The following GLIPR1L2 variants were observed in gnomAD, a reference collection of about 807,000 sequenced individuals.
GLIPR1L2 encodes the protein GLIPR1-like protein 2.
Under a neutral mutation model 28.4 loss-of-function variants are expected in GLIPR1L2, and 21 were observed. The ratio of observed to expected loss-of-function variants is 0.74; its 90% CI spans 0.52 to 1.06. The LOEUF (loss-of-function observed/expected upper bound fraction) is 1.06, where lower values mean the gene tolerates loss of function less well. GLIPR1L2 is among the 50% of genes least tolerant of loss of function. The probability of loss-of-function intolerance (pLI) is 0.00; values close to 1 mark genes in which losing one functional copy is unlikely to be tolerated. For missense variants in GLIPR1L2, 476 were observed against 416.9 expected (o/e 1.14, Z -1.23); for synonymous variants, 145 against 139.3 (o/e 1.04, Z -0.29).
At chr12:75,426,315 G>A (rs948294938) in intron 4 of GLIPR1L2, among the ~76,000 whole-genome samples, 14 of 152,194 alleles carry the variant, frequency 9.2e-5, no homozygotes, top group African/African-American at 3.1e-4. Context: ...GTCACTCTAA[G>A]TATTTTAGCA....
At chr12:75,400,187 C>T (rs1460702931) in intron 1 of GLIPR1L2, among the ~76,000 whole-genome samples, 5 of 152,176 alleles carry the variant, frequency 3.3e-5, no homozygotes, top group Admixed American at 6.5e-5. Context: ...GGCGCCATCT[C>T]GGCTCACTGC....
intron 1 of GLIPR1L2, among the ~76,000 whole-genome samples, chr12:75,408,813 C>T (rs941030776): frequency 6.6e-6 from 1 of 151,824 alleles, no homozygotes; most frequent in African/African-American, 2.4e-5. Flanking sequence ...TCACAAAATA[C>T]CCATTTAAAA....
At chr12:75,414,191 C>A (rs956586093) in intron 3 of GLIPR1L2, among the ~76,000 whole-genome samples, 1 of 151,946 alleles carries the variant, frequency 6.6e-6, no homozygotes, top group Non-Finnish European at 1.5e-5. Flanking sequence ...CTTCAAACAT[C>A]TTTTAGTCAA....
intron 2 of GLIPR1L2, among the ~76,000 whole-genome samples, chr12:75,411,548 G>T (rs1171615356): frequency 1.3e-5 from 2 of 149,998 alleles, no homozygotes; most frequent in African/African-American, 4.9e-5. Flanking sequence ...CCATTGACTT[G>T]CTCCTATCAA....
intron 3 of GLIPR1L2, 118 bp downstream of exon 3, chr12:75,413,819 A>G (rs1469817881): frequency 4.2e-6 from 2 of 481,558 alleles, no homozygotes; most frequent in Non-Finnish European, 7.2e-6. Context: ...TATACTTTAC[A>G]TTGAAATATT....
chr12:75,401,937 A>G (rs1251754991), intron 1 of GLIPR1L2, among the ~76,000 whole-genome samples: 2 of 152,184 alleles, frequency 1.3e-5, no homozygotes, highest in Non-Finnish European at 1.5e-5. Flanking sequence ...GAATAGCTGT[A>G]TAAGTAAAAT....
chr12:75,404,624 A>T (rs2045776703), intron 1 of GLIPR1L2, among the ~76,000 whole-genome samples: 1 of 152,130 alleles, frequency 6.6e-6, no homozygotes, highest in Non-Finnish European at 1.5e-5. Context: ...ATAAAGATGT[A>T]GTAAAAATGA....
chr12:75,428,340 G>A (rs989352475), intron 4 of GLIPR1L2, among the ~76,000 whole-genome samples: 3 of 152,040 alleles, frequency 2.0e-5, no homozygotes, highest in Admixed American at 6.6e-5. Flanking sequence ...ATGATTTAGG[G>A]TATCTGGCAG....
chr12:75,417,307 C>A (rs1338560853), intron 3 of GLIPR1L2, among the ~76,000 whole-genome samples: 1 of 152,044 alleles, frequency 6.6e-6, no homozygotes, highest in Non-Finnish European at 1.5e-5. Flanking sequence ...CATCCACAAG[C>A]CAAGGAGCTA....
At chr12:75,429,558 G>A (rs914748826) in intron 4 of GLIPR1L2, among the ~76,000 whole-genome samples, 2 of 152,152 alleles carry the variant, frequency 1.3e-5, no homozygotes, top group Admixed American at 6.5e-5. Flanking sequence ...CCTTGGAAAG[G>A]CCTGATTGTG....
In GLIPR1L2 at chr12:75,405,869, A is replaced by G. The variant is rs974268769; in HGVS notation, c.235-4565A>G. ...ATGGTTTTATTTATAATGGTTTTTT[A>G]GAAAACCTTAAATGACATTTAAAAT... On this transcript the variant is annotated intron_variant, in intron 1 of 5. Transcript: ENST00000550916. 6.7e-4 allele frequency among the ~76,000 whole-genome samples: 102 copies of G among 152,306 alleles called. 1 individual carries two copies. The highest frequency in any genetic ancestry group is 2.1e-3 in the South Asian group (10 of 4,830).
At chr12:75,401,160 T>C (rs1320009791) in intron 1 of GLIPR1L2, among the ~76,000 whole-genome samples, 1 of 151,734 alleles carries the variant, frequency 6.6e-6, no homozygotes, top group Non-Finnish European at 1.5e-5. Flanking sequence ...TTTAAAAAAC[T>C]GTAAACATAA....
intron 1 of GLIPR1L2, among the ~76,000 whole-genome samples, chr12:75,405,996 G>GTT (rs35050395): frequency 1.5e-5 from 2 of 137,540 alleles, no homozygotes; most frequent in Non-Finnish European, 3.2e-5. Flanking sequence ...ATTGTCAAAA[G>GTT]TTTTTTTTTT....
chr12:75,397,508 G>A (rs1279961248), intron 1 of GLIPR1L2, among the ~76,000 whole-genome samples: 1 of 151,952 alleles, frequency 6.6e-6, no homozygotes, highest in Non-Finnish European at 1.5e-5. Context: ...GTCCCATATT[G>A]TCCAAATAGT....
intron 4 of GLIPR1L2, 45 bp downstream of exon 4, chr12:75,423,034 G>GACC (rs1555233981): frequency 5.0e-6 from 8 of 1,602,376 alleles, no homozygotes; most frequent in Non-Finnish European, 5.1e-6. Context: ...TAATGGATTG[G>GACC]ACAAGAAAAA....
chr12:75,394,582 C>A (rs1027742931), intron 1 of GLIPR1L2, among the ~76,000 whole-genome samples: 1 of 151,778 alleles, frequency 6.6e-6, no homozygotes, highest in Non-Finnish European at 1.5e-5. Context: ...CTATTCCATT[C>A]TGTTAGTCTA....
chr12:75,396,446 G>T lies in GLIPR1L2; in HGVS notation c.234+5096G>T, dbSNP rs189547808. 5.7e-4 allele frequency among the ~76,000 whole-genome samples: 86 copies of T among 152,210 alleles called. No homozygotes were observed. In the East Asian group the frequency reaches 0.016, roughly 28 times the overall value. On this transcript the variant is annotated intron_variant, in intron 1 of 5. Transcript: ENST00000550916. Reference sequence around the variant, plus strand: ...TCTTGTATTGCACTACCACTTTCTGGAATCAGTTTCCTTGTGCCTAAAATA... The same window carrying T: ...TCTTGTATTGCACTACCACTTTCTGTAATCAGTTTCCTTGTGCCTAAAATA...
At chr12:75,413,476 A>G (rs1489840543) in intron 2 of GLIPR1L2, 122 bp from the exon 3 acceptor site, 12 of 597,268 alleles carry the variant, frequency 2.0e-5, no homozygotes, top group Admixed American at 3.2e-5. Flanking sequence ...AAATGAAAAT[A>G]GTTTATATTT....
chr12:75,426,548 G>A (rs1021887090), intron 4 of GLIPR1L2, among the ~76,000 whole-genome samples: 2 of 152,096 alleles, frequency 1.3e-5, no homozygotes, highest in African/African-American at 2.4e-5. Context: ...TATTTCATTT[G>A]CATTCCTGTC....
Sources: gnomAD v4.1 joint callset for allele counts (sites outside exome capture counted in the v4.1 genomes callset) on GRCh38, gnomAD v4.1.1 for gene constraint, MANE v1.5 for transcripts, NCBI Gene and HGNC (gene_info 2026-07-23, HGNC 2026-07-21) for gene names.